TWIST2: variants seen among roughly 807,000 people sequenced by gnomAD.
The protein encoded by TWIST2 is twist family bHLH transcription factor 2, also known as twist-related protein 2.
Under a neutral mutation model 11.6 loss-of-function variants are expected in TWIST2, and 1 was observed. That is an observed-to-expected ratio of 0.09 (90% CI 0.03 to 0.41). The LOEUF (loss-of-function observed/expected upper bound fraction) is 0.41. Among genes scored for constraint, TWIST2 ranks in the 10% least tolerant of loss-of-function variants. TWIST2 has a pLI of 0.98. For synonymous variants in TWIST2, 87 were observed against 96.6 expected, an observed-to-expected ratio of 0.90 and a Z score of 0.58; for missense variants, 168 against 226.4, an observed-to-expected ratio of 0.74 and a Z score of 1.66.
In TWIST2 at chr2:238,848,644, C is replaced by A. The variant is rs772224459; in HGVS notation, c.429C>A (p.Tyr143Ter). The change falls in exon 1 of 2, where the codon TAC (tyrosine) becomes TAA (stop). Residue 143 changes from tyrosine (Y) to a stop codon, truncating the protein, a stop_gained. Transcript: ENST00000612363. LOFTEE classifies it high-confidence loss of function. Reference protein sequence around the residue: ...CSYVAHERLSYAFSVWRMEGA... With the variant: ...CSYVAHERLS ...ACGTGGCCCACGAGCGCCTCAGCTA[C>A]GCCTTCTCCGTGTGGCGCATGGAGG... is the stretch of plus-strand genomic sequence containing the variant. 1 of 1,537,954 alleles carries A rather than the reference C, an allele frequency of 6.5e-7. No homozygotes were observed. The highest frequency in any genetic ancestry group is 8.7e-7 in the Non-Finnish European group (1 of 1,147,716).
intron 1 of TWIST2, among the ~76,000 whole-genome samples, chr2:238,873,835 G>T (rs1318386214): frequency 6.6e-6 from 1 of 152,318 alleles, no homozygotes; most frequent in African/African-American, 2.4e-5. Context: ...TTTGTGTCTT[G>T]CTCAAGAGAA....
Position 238,863,829 on chromosome 2 carries a change from T to TC in TWIST2, c.*35+15101dup, listed in dbSNP as rs1426777133. On this transcript the variant is annotated intron_variant, in intron 1 of 1. Coordinates refer to ENST00000612363, the MANE Select transcript of TWIST2 (RefSeq NM_001271893.4). The surrounding 1 kb of genome is among the most constrained non-coding windows in gnomAD (Gnocchi z 4.7). ...CAGGATCAAAAATGAAAACCACGTG[T>TC]CCCCCTGGCCTTGTATGATGAATGA... Among the ~76,000 whole-genome samples, 2 of 152,080 alleles carry TC rather than the reference T, an allele frequency of 1.3e-5. No homozygotes were observed. Among genetic ancestry groups the TC allele is most frequent in the Non-Finnish European group, 2.9e-5 (2 of 68,022 alleles).
At chr2:238,873,217 C>T (rs1020112221) in intron 1 of TWIST2, among the ~76,000 whole-genome samples, 6 of 152,120 alleles carry the variant, frequency 3.9e-5, no homozygotes, top group East Asian at 1.9e-4. Context: ...GAGCCTCCCA[C>T]GTGCTGGGCT....
At chr2:238,873,548 C>T (rs1692748479) in intron 1 of TWIST2, among the ~76,000 whole-genome samples, 1 of 152,138 alleles carries the variant, frequency 6.6e-6, no homozygotes, top group Non-Finnish European at 1.5e-5. Flanking sequence ...GATGTGCACG[C>T]ATGAGCGCAC....
At chr2:238,888,109 C>A (rs1172181074) in intron 1 of TWIST2, among the ~76,000 whole-genome samples, 1 of 152,186 alleles carries the variant, frequency 6.6e-6, no homozygotes, top group Non-Finnish European at 1.5e-5. Flanking sequence ...CAAGGTGTAA[C>A]CATAGCTTCA....
At chr2:238,851,364 G>C (rs1046764607) in intron 1 of TWIST2, among the ~76,000 whole-genome samples, 10 of 152,288 alleles carry the variant, frequency 6.6e-5, no homozygotes, top group African/African-American at 2.2e-4. Context: ...TCATCTAATA[G>C]AAAAATCTCA....
chr2:238,909,574 G>A (rs912265905), intron 1 of TWIST2, among the ~76,000 whole-genome samples: 1 of 152,138 alleles, frequency 6.6e-6, no homozygotes, highest in African/African-American at 2.4e-5. Context: ...GTGAGTGTGA[G>A]AAAGGGCACT....
intron 1 of TWIST2, among the ~76,000 whole-genome samples, chr2:238,906,200 G>A (rs926708148): frequency 2.6e-5 from 4 of 151,938 alleles, no homozygotes; most frequent in Non-Finnish European, 5.9e-5. Context: ...ACTGCTGTGC[G>A]ACATCAGACA....
chr2:238,881,679 G>T (rs549810047), intron 1 of TWIST2, among the ~76,000 whole-genome samples: 11 of 152,142 alleles, frequency 7.2e-5, no homozygotes, highest in Admixed American at 7.2e-4. Context: ...TGGTGTCCTG[G>T]GTCTGAGCTG....
chr2:238,871,860 G>A (rs926289554), intron 1 of TWIST2, among the ~76,000 whole-genome samples: 4 of 152,132 alleles, frequency 2.6e-5, no homozygotes, highest in East Asian at 3.9e-4. Context: ...TCATAGAGAC[G>A]GAAGGCAGAA....
chr2:238,907,300 G>C (rs1369973039), intron 1 of TWIST2, among the ~76,000 whole-genome samples: 3 of 152,224 alleles, frequency 2.0e-5, no homozygotes, highest in African/African-American at 7.2e-5. Context: ...CTGGGTCTCA[G>C]ACGCTGGCCC....
At chr2:238,908,722 G>GTGTGTT (rs1693398220) in intron 1 of TWIST2, among the ~76,000 whole-genome samples, 1 of 151,472 alleles carries the variant, frequency 6.6e-6, no homozygotes, top group African/African-American at 2.4e-5. Context: ...TGTGCAGTGT[G>GTGTGTT]TGTGTGGGTA....
chr2:238,899,127 G>A (rs914042362), intron 1 of TWIST2, among the ~76,000 whole-genome samples: 6 of 152,234 alleles, frequency 3.9e-5, no homozygotes, highest in African/African-American at 1.2e-4. Flanking sequence ...TCCTGGCCTC[G>A]GCCTGCCAAG....
chr2:238,849,398 T>C (rs1326141398), intron 1 of TWIST2, among the ~76,000 whole-genome samples: 1 of 152,100 alleles, frequency 6.6e-6, no homozygotes, highest in African/African-American at 2.4e-5. Flanking sequence ...CAGGGCCGGG[T>C]GTGCCCGAGA....
At chr2:238,853,908 A>G (rs1692287200) in intron 1 of TWIST2, among the ~76,000 whole-genome samples, 1 of 152,206 alleles carries the variant, frequency 6.6e-6, no homozygotes, top group Non-Finnish European at 1.5e-5. Context: ...GATGAAGATG[A>G]GAGAGCGCGG....
chr2:238,896,071 T>C (rs1473609685), intron 1 of TWIST2, among the ~76,000 whole-genome samples: 2 of 152,086 alleles, frequency 1.3e-5, no homozygotes, highest in Non-Finnish European at 2.9e-5. Context: ...AATATGGTCA[T>C]TCCCACATTC....
At chr2:238,894,523 C>G (rs1027455961) in intron 1 of TWIST2, among the ~76,000 whole-genome samples, 26 of 152,248 alleles carry the variant, frequency 1.7e-4, no homozygotes, top group Non-Finnish European at 2.9e-4. Flanking sequence ...CAGGCCCCAC[C>G]TCGGGGTCTG....
chr2:238,857,332 T>C (rs1369090889), intron 1 of TWIST2, among the ~76,000 whole-genome samples: 3 of 152,198 alleles, frequency 2.0e-5, no homozygotes, highest in African/African-American at 7.2e-5. Context: ...CTCGTGCTGA[T>C]GAATGTCTGA....
Position 238,848,205 on chromosome 2 carries a change from G to A in TWIST2, c.-11G>A, listed in dbSNP as rs972241388. The stretch of plus-strand genomic sequence containing the variant: ...CGGCGCCCCCAGCCCCACGCGCGCC[G>A]GGCGGGCGCCATGGAGGAGGGCTCC... On this transcript the variant is annotated 5_prime_UTR_variant, in exon 1 of 2. Coordinates refer to ENST00000612363, the MANE Select transcript of TWIST2 (RefSeq NM_001271893.4). 16 of 1,286,378 alleles carry A rather than the reference G, an allele frequency of 1.2e-5. No individual in the cohort carries two copies. In the Admixed American group the frequency reaches 1.6e-4, roughly 13 times the overall value. The allele number at this position is 1,286,378 out of a possible 1,614,324, so 79.7% of individuals were successfully genotyped here.
Sources: allele counts gnomAD v4.1 joint callset (sites outside exome capture counted in the v4.1 genomes callset), GRCh38; gene constraint gnomAD v4.1.1; non-coding constraint Gnocchi (gnomAD v3.1); transcripts MANE v1.5; gene names NCBI Gene and HGNC (gene_info 2026-07-23, HGNC 2026-07-21).